Variants in HTR2C observed in about 807,000 individuals in gnomAD.
The protein encoded by HTR2C is 5-hydroxytryptamine (serotonin) receptor 2C, G protein-coupled.
Under a neutral mutation model 21.0 loss-of-function variants are expected in HTR2C, and 5 were observed. That is an observed-to-expected ratio of 0.24 (90% CI 0.12 to 0.50). HTR2C has a LOEUF of 0.50. HTR2C is among the 20% of genes least tolerant of loss of function. The probability of loss-of-function intolerance (pLI) is 0.98; values close to 1 mark genes in which losing one functional copy is unlikely to be tolerated. For missense variants in HTR2C, 271 were observed against 371.2 expected (o/e 0.73, Z 2.22); for synonymous variants, 150 against 145.3 (o/e 1.03, Z -0.23).
chrX:114,900,096 T>G (rs143953902), intron 5 of HTR2C, among the ~76,000 whole-genome samples: 2 of 111,599 alleles, frequency 1.8e-5, no homozygotes, highest in Non-Finnish European at 3.8e-5. Context: ...GGTTTCAAAA[T>G]TCTGTAACAG....
intron 4 of HTR2C, among the ~76,000 whole-genome samples, chrX:114,807,966 C>T (rs1041678986): frequency 7.2e-5 from 8 of 111,190 alleles, no homozygotes; most frequent in African/African-American, 9.8e-5. Context: ...CCACCGCGCC[C>T]GCCCCATTCT....
chrX:114,680,403 C>G (rs1198882863), intron 2 of HTR2C, among the ~76,000 whole-genome samples: 1 of 112,003 alleles, frequency 8.9e-6, no homozygotes, highest in Admixed American at 9.5e-5. Flanking sequence ...TTAATACAAA[C>G]TACATAACAC....
At chrX:114,765,168 T>C (rs1335369243) in intron 4 of HTR2C, among the ~76,000 whole-genome samples, 1 of 109,192 alleles carries the variant, frequency 9.2e-6, no homozygotes, top group African/African-American at 3.3e-5. Context: ...TGAGCCACCA[T>C]GCCCAGCCTT....
At chrX:114,598,328 C>T (rs902235896) in intron 1 of HTR2C, among the ~76,000 whole-genome samples, 32 of 111,672 alleles carry the variant, frequency 2.9e-4, no homozygotes, top group Middle Eastern at 4.2e-3. Flanking sequence ...CAGAGATTTT[C>T]GGATGGATAA....
At chrX:114,734,564 T>TAAAAAAAAAAAAAAA (rs61672860) in intron 4 of HTR2C, among the ~76,000 whole-genome samples, 11 of 34,284 alleles carry the variant, frequency 3.2e-4, no homozygotes, top group African/African-American at 1.3e-3. Flanking sequence ...GCCTTACATG[T>TAAAAAAAAAAAAAAA]AAAAAAAAAA....
intron 5 of HTR2C, among the ~76,000 whole-genome samples, chrX:114,897,776 T>C (rs781923306): frequency 8.9e-6 from 1 of 112,804 alleles, no homozygotes; most frequent in Non-Finnish European, 1.9e-5. Context: ...GTGGTTTATA[T>C]GTACCACATT....
intron 2 of HTR2C, among the ~76,000 whole-genome samples, chrX:114,723,496 T>G (rs1556421154): frequency 9.0e-6 from 1 of 110,823 alleles, no homozygotes; most frequent in Non-Finnish European, 1.9e-5. Flanking sequence ...TTTGAAGGGT[T>G]TTTTGTGTCT....
At position 114,908,218 on chromosome X, in the gene HTR2C, A is replaced by G. The variant is rs2071389833; in HGVS notation, c.*803A>G. 1 of 112,671 alleles carries G rather than the reference A, an allele frequency of 8.9e-6. No individual in the cohort carries two copies. The highest frequency in any genetic ancestry group is 2.8e-4 in the East Asian group (1 of 3,579). 9.3% of individuals were successfully genotyped at this position (112,671 alleles called of 1,213,427 possible). On this transcript the variant is annotated 3_prime_UTR_variant, in exon 6 of 6. Coordinates refer to ENST00000276198, the MANE Select transcript of HTR2C (RefSeq NM_000868.4). The stretch of plus-strand genomic sequence containing the variant: ...TGGTCCTTAGTAAATTCCTAATTCT[A>G]TGATTAAACTGGGAAATGAGATCCC...
rs782648244 is a variant in HTR2C, at chrX:114,816,418, C to T, written c.350-31585C>T. ...TTATAAGGTTGTTGTGAGGAGTAAA[C>T]GAGATAATGTAAAGTTTCCCAGAAA... On this transcript the variant is annotated intron_variant, in intron 4 of 5. Transcript: ENST00000276198. Among the ~76,000 whole-genome samples the T allele has an allele frequency of 5.9e-4, 64 of 108,482 alleles. 1 individual carries two copies. Among genetic ancestry groups the T allele is most frequent in the Admixed American group, 5.4e-3 (53 of 9,900 alleles). The allele number at this position is 108,482 out of a possible 115,157, so 94.2% of individuals were successfully genotyped here.
At chrX:114,891,339 G>A (rs1472030436) in intron 5 of HTR2C, among the ~76,000 whole-genome samples, 1 of 109,577 alleles carries the variant, frequency 9.1e-6, no homozygotes, top group Non-Finnish European at 1.9e-5. Flanking sequence ...CTGTTTCTTT[G>A]TCAACTTTTG....
At chrX:114,879,838 AT>A (rs1556479436) in intron 5 of HTR2C, among the ~76,000 whole-genome samples, 1 of 110,872 alleles carries the variant, frequency 9.0e-6, no homozygotes, top group Non-Finnish European at 1.9e-5. Flanking sequence ...CCACTAGTTG[AT>A]TAATGGGAAT....
At chrX:114,642,508 G>A (rs894006606) in intron 2 of HTR2C, among the ~76,000 whole-genome samples, 1 of 112,156 alleles carries the variant, frequency 8.9e-6, no homozygotes, top group Non-Finnish European at 1.9e-5. Flanking sequence ...CCATCATATA[G>A]AAAGTTTAAA....
rs782610415 is a variant in HTR2C at position 114,888,342 on chromosome X, G to A, written c.551-18247G>A. ...CCCTGTCTTATCAGGTGGGAAAATG[G>A]CAATTCGGGACCCAGTATTTTCAGC... On this transcript the variant is annotated intron_variant, in intron 5 of 5. Coordinates refer to ENST00000276198, the MANE Select transcript of HTR2C (RefSeq NM_000868.4). 2.7e-5 allele frequency among the ~76,000 whole-genome samples: 3 copies of A among 111,460 alleles called. No homozygotes were observed. In the South Asian group the frequency reaches 1.1e-3, roughly 42 times the overall value.
intron 2 of HTR2C, among the ~76,000 whole-genome samples, chrX:114,667,972 C>T (rs1397716010): frequency 1.8e-5 from 2 of 111,929 alleles, no homozygotes; most frequent in African/African-American, 6.5e-5. Flanking sequence ...GTAAAAATTA[C>T]TTTCCTCTAA....
chrX:114,598,049 C>T (rs781888309), intron 1 of HTR2C, among the ~76,000 whole-genome samples: 19 of 111,399 alleles, frequency 1.7e-4, no homozygotes, highest in Admixed American at 4.8e-4. Context: ...TAATTCTGAT[C>T]TTTAGTAGTT....
intron 4 of HTR2C, among the ~76,000 whole-genome samples, chrX:114,795,306 C>G (rs1433252413): frequency 1.8e-5 from 2 of 110,812 alleles, no homozygotes; most frequent in East Asian, 2.9e-4. Flanking sequence ...TTCTCCCATT[C>G]TGTAGGTTGC....
chrX:114,814,781 T>A (rs1602833056), intron 4 of HTR2C, among the ~76,000 whole-genome samples: 1 of 100,591 alleles, frequency 9.9e-6, no homozygotes, highest in Admixed American at 1.2e-4. Flanking sequence ...TATAATAATA[T>A]TATATAGTAT....
rs1349372815 is a variant in HTR2C, at chrX:114,910,038, A to C, written c.*2623A>C. 1 of 111,628 alleles carries C rather than the reference A, an allele frequency of 9.0e-6. No individual in the cohort carries two copies. Among genetic ancestry groups the C allele is most frequent in the Non-Finnish European group, 1.9e-5 (1 of 53,083 alleles). 9.2% of individuals were successfully genotyped at this position (111,628 alleles called of 1,213,427 possible). On this transcript the variant is annotated 3_prime_UTR_variant, in exon 6 of 6. Coordinates refer to ENST00000276198, the MANE Select transcript of HTR2C (RefSeq NM_000868.4). ...ACAGGTTTTATGAGACTTCCTATTA[A>C]TTTATTAAATTTATTAAATGTTGGC...
chrX:114,792,897 T>C (rs1260997137), intron 4 of HTR2C, among the ~76,000 whole-genome samples: 2 of 112,467 alleles, frequency 1.8e-5, no homozygotes, highest in Non-Finnish European at 3.8e-5. Flanking sequence ...CATATGTTTG[T>C]TGTCTGCATA....
Sources: allele counts gnomAD v4.1 joint callset (sites outside exome capture counted in the v4.1 genomes callset), GRCh38; gene constraint gnomAD v4.1.1; transcripts MANE v1.5; gene names NCBI Gene and HGNC (gene_info 2026-07-23, HGNC 2026-07-21).